The following ANKS3 variants were observed in gnomAD, a reference collection of about 807,000 sequenced individuals.
ANKS3 encodes ankyrin repeat and sterile alpha motif domain containing 3, also known as ankyrin repeat and SAM domain-containing protein 3.
A neutral mutation model predicts 80.7 loss-of-function variants in ANKS3; 62 were observed. That is an observed-to-expected ratio of 0.77 (90% CI 0.63 to 0.95). The LOEUF (loss-of-function observed/expected upper bound fraction) is 0.95, where lower values mean the gene tolerates loss of function less well. Among genes scored for constraint, ANKS3 ranks in the 40% least tolerant of loss-of-function variants. ANKS3 has a pLI of 0.00. For synonymous variants in ANKS3, 489 were observed against 355.3 expected (o/e 1.38, Z -4.23); for missense variants, 1,150 against 883.6 (o/e 1.30, Z -3.82).
chr16:4,732,387 A>G (rs1278781929), intron 1 of ANKS3, among the ~76,000 whole-genome samples: 4 of 152,122 alleles, frequency 2.6e-5, no homozygotes, highest in South Asian at 2.1e-4. Context: ...CGTGTTCTCT[A>G]TTTACTGGAG....
At position 4,696,966 on chromosome 16, in the gene ANKS3, G is replaced by T. The variant is rs989048844; in HGVS notation, c.*11+51C>A. On this transcript the variant is annotated intron_variant, in intron 17 of 17. Coordinates refer to ENST00000304283, the MANE Select transcript of ANKS3 (RefSeq NM_133450.4). ...GCATACCCACACCTGCAGCCGCCCA[G>T]ACAGGCCCTGCTGCTCCCACCACGC... is the stretch of plus-strand genomic sequence containing the variant. 5 of 1,574,194 alleles carry T rather than the reference G, an allele frequency of 3.2e-6. No individual in the cohort carries two copies. The African/African-American group carries it at 5.4e-5, about 17-fold the overall frequency.
rs188485159 is a variant in ANKS3 at position 4,717,985 on chromosome 16, G to T, written c.574-3799C>A. The stretch of plus-strand genomic sequence containing the variant: ...TAATGGGGTTTCACCATGTTGGCCA[G>T]GCTGGTCTTGAACTCCTGACCTCAG... On this transcript the variant is annotated intron_variant, in intron 6 of 17. Coordinates refer to ENST00000304283, the MANE Select transcript of ANKS3 (RefSeq NM_133450.4). Among the ~76,000 whole-genome samples, 370 of 152,228 alleles carry T rather than the reference G, an allele frequency of 2.4e-3. 1 individual carries two copies. The highest frequency in any genetic ancestry group is 8.7e-3 in the African/African-American group (361 of 41,534).
intron 2 of ANKS3, among the ~76,000 whole-genome samples, chr16:4,731,151 A>C (rs1318888696): frequency 2.0e-5 from 3 of 152,172 alleles, no homozygotes; most frequent in African/African-American, 4.8e-5. Flanking sequence ...GGCAAAATTA[A>C]AGGGTTGGAG....
chr16:4,713,518 G>A (rs964919979), intron 7 of ANKS3, among the ~76,000 whole-genome samples: 5 of 152,034 alleles, frequency 3.3e-5, no homozygotes, highest in African/African-American at 1.2e-4. Context: ...CAAACACTTA[G>A]GAATAAACTT....
chr16:4,699,200 G>C, intron 11 of ANKS3, 24 bp from the exon 12 acceptor site: 3 of 1,612,844 alleles, frequency 1.9e-6, no homozygotes, highest in Middle Eastern at 1.7e-4. Flanking sequence ...GGGACAGGTT[G>C]GGGGAGGTAG....
chr16:4,698,778 C>G lies in ANKS3; in HGVS notation c.1551+22G>C, dbSNP rs8050085. The G allele has an allele frequency of 0.012, 18,434 of 1,585,616 alleles. 1,775 individuals are homozygous for G. In the African/African-American group the frequency reaches 0.21, roughly 18 times the overall value. The stretch of plus-strand genomic sequence containing the variant: ...ACTCACGGGTGTCACCCTGCCCCCC[C>G]ATCCCCCACCCAGCCACTCACCTTG... On this transcript the variant is annotated intron_variant, in intron 13 of 17. Coordinates refer to ENST00000304283, the MANE Select transcript of ANKS3 (RefSeq NM_133450.4).
At chr16:4,699,210 G>C (rs764560113) in intron 11 of ANKS3, 34 bp from the exon 12 acceptor site, 14 of 1,610,964 alleles carry the variant, frequency 8.7e-6, no homozygotes, top group Non-Finnish European at 1.2e-5. Flanking sequence ...GGGGGAGGTA[G>C]TGGCTGACGA....
intron 3 of ANKS3, chr16:4,729,572 A>G (rs1388068866): frequency 6.6e-6 from 1 of 152,670 alleles, no homozygotes; most frequent in East Asian, 1.9e-4. Context: ...TGTTATCCAG[A>G]ATGGTCTCAA....
Position 4,701,520 on chromosome 16 carries a change from G to A in ANKS3, c.1033C>T (p.Leu345=). Residue 345 remains leucine (L), a synonymous_variant, in exon 10 of 18, where the codon CTG becomes TTG. Coordinates refer to ENST00000304283, the MANE Select transcript of ANKS3 (RefSeq NM_133450.4). ...CTGCTGCTGCTCTGGACGGGCCCCA[G>A]GTTGGCACAGAAAGCATGTTCCTCT... ...SREEHAFCAN[L]GPVQSSSSSE... is the part of the protein sequence containing the mutation. The A allele has an allele frequency of 6.2e-7, 1 of 1,611,368 alleles. No individual in the cohort carries two copies. The highest frequency in any genetic ancestry group is 8.5e-7 in the Non-Finnish European group (1 of 1,178,678).
chr16:4,721,080 C>T (rs757008641), intron 6 of ANKS3, among the ~76,000 whole-genome samples: 16 of 148,652 alleles, frequency 1.1e-4, no homozygotes, highest in East Asian at 4.0e-4. Context: ...CCAAGGTGGG[C>T]GGATCACGAG....
chr16:4,724,051 C>G (rs1020966743), intron 6 of ANKS3, among the ~76,000 whole-genome samples: 1 of 152,088 alleles, frequency 6.6e-6, no homozygotes, highest in Non-Finnish European at 1.5e-5. Context: ...CAGGGCAACA[C>G]CATGTCTCAA....
chr16:4,706,850 C>G (rs1052728722), intron 7 of ANKS3, among the ~76,000 whole-genome samples: 1 of 152,184 alleles, frequency 6.6e-6, no homozygotes, highest in African/African-American at 2.4e-5. Context: ...AGGGAAGAGG[C>G]TGGGCTGAGC....
chr16:4,707,083 G>C (rs28658517), intron 7 of ANKS3, among the ~76,000 whole-genome samples: 6,897 of 152,176 alleles, frequency 0.045, 494 homozygotes, highest in African/African-American at 0.16. Context: ...CAAGCTGAAG[G>C]GGAGGGAGCT....
chr16:4,697,345 C>A lies in ANKS3; in HGVS notation c.1882G>T (p.Val628Phe), dbSNP rs746785942. The A allele has an allele frequency of 6.2e-7, 1 of 1,607,558 alleles. No homozygotes were observed. Among genetic ancestry groups the A allele is most frequent in the South Asian group, 1.1e-5 (1 of 90,738 alleles). Residue 628 changes from valine to phenylalanine, a missense_variant, in exon 16 of 18, where the codon GTC (valine) becomes TTC (phenylalanine). By Grantham distance (50) the Val-to-Phe change is conservative. Transcript: ENST00000304283. ...CCCGGAGACTCACCCATCTCACGGA[C>A]ACGGTCCTCCAGGGCTCCCGAGAGC... ...PELSGALEDR[V>F]REMGQALCLV...
chr16:4,701,800 G>A (rs2079922420), intron 9 of ANKS3: 2 of 503,512 alleles, frequency 4.0e-6, no homozygotes, highest in South Asian at 6.7e-5. Flanking sequence ...GGAAACAGCT[G>A]CTGCACGGAG....
At chr16:4,720,543 C>CAATACCG (rs2081037042) in intron 6 of ANKS3, among the ~76,000 whole-genome samples, 1 of 151,206 alleles carries the variant, frequency 6.6e-6, no homozygotes, top group African/African-American at 2.4e-5. Flanking sequence ...TTACACTACC[C>CAATACCG]ACTACCGACT....
chr16:4,698,574 C>T lies in ANKS3; in HGVS notation c.1577G>A (p.Arg526Gln), dbSNP rs202242625. The change falls in exon 14 of 18, where the codon CGG (arginine) becomes CAG (glutamine). Residue 526 changes from arginine to glutamine, a missense_variant. Arg to Gln is a conservative substitution (Grantham distance 43). Coordinates refer to ENST00000304283, the MANE Select transcript of ANKS3 (RefSeq NM_133450.4). ...CTCCTGCTCCTGACACACCTGGCCC[C>T]GCGTGGCCTCTACCTCCTCGCAGCG... ...HKRCEEVEATRGQVCQEQELR... is the reference protein window; with the variant it reads ...HKRCEEVEATQGQVCQEQELR... 1.5e-4 allele frequency: 244 copies of T among 1,576,510 alleles called. 1 individual carries two copies. In the African/African-American group the frequency reaches 2.4e-3, roughly 15 times the overall value.
In ANKS3 at chr16:4,727,341, T is replaced by G. The variant is rs2081406402; in HGVS notation, c.171-164A>C. 8.6e-6 allele frequency: 6 copies of G among 694,322 alleles called. No homozygotes were observed. The East Asian group carries it at 1.4e-4, about 16-fold the overall frequency. The allele number at this position is 694,322 out of a possible 1,614,324, so 43.0% of individuals were successfully genotyped here. ...TGGAGGCAGGCAGGCAGAAAAATGCTGACAGTTGCTCGTACACTGCCTTGT... is the reference window on the plus strand; with the variant it reads ...TGGAGGCAGGCAGGCAGAAAAATGCGGACAGTTGCTCGTACACTGCCTTGT... On this transcript the variant is annotated intron_variant, in intron 3 of 17. Transcript: ENST00000304283.
At chr16:4,733,122 A>C (rs975771471) in intron 1 of ANKS3, among the ~76,000 whole-genome samples, 29 of 149,660 alleles carry the variant, frequency 1.9e-4, no homozygotes, top group Non-Finnish European at 3.9e-4. Context: ...TAATGGATAC[A>C]AAAAAAACAG....
Sources: allele counts gnomAD v4.1 joint callset (sites outside exome capture counted in the v4.1 genomes callset), GRCh38; gene constraint gnomAD v4.1.1; transcripts MANE v1.5; gene names NCBI Gene and HGNC (gene_info 2026-07-23, HGNC 2026-07-21).